SNTG1: variants seen among roughly 807,000 people sequenced by gnomAD.
The protein encoded by SNTG1 is gamma-1-syntrophin.
In SNTG1, 39 loss-of-function variants were observed where a neutral mutation model predicts 74.7. That is an observed-to-expected ratio of 0.52 (90% CI 0.40 to 0.68). The LOEUF (loss-of-function observed/expected upper bound fraction) is 0.68, where lower values mean the gene tolerates loss of function less well. Ranked by LOEUF, SNTG1 falls within the 30% of genes least tolerant of loss-of-function variation. The probability of loss-of-function intolerance (pLI) is 0.00; values close to 1 mark genes in which losing one functional copy is unlikely to be tolerated. For synonymous variants in SNTG1, 254 were observed against 217.1 expected, an observed-to-expected ratio of 1.17 and a Z score of -1.49; for missense variants, 685 against 609.5, an observed-to-expected ratio of 1.12 and a Z score of -1.30.
At chr8:50,279,985 T>A (rs1458765068) in intron 2 of SNTG1, among the ~76,000 whole-genome samples, 1 of 151,470 alleles carries the variant, frequency 6.6e-6, no homozygotes, top group African/African-American at 2.5e-5. Context: ...AGATGTAAAC[T>A]TCTCTTACAA....
Position 50,778,922 on chromosome 8 carries a change from C to T in SNTG1, c.1396-13749C>T, listed in dbSNP as rs563485057. ...GATCCAGTTTCAGCTTTCCACATAT[C>T]GCTAGCCAGTTTTCCCAGTACCATT... On this transcript the variant is annotated intron_variant, in intron 18 of 18. Transcript: ENST00000642720. 7.9e-5 allele frequency among the ~76,000 whole-genome samples: 12 copies of T among 152,152 alleles called. No individual in the cohort carries two copies. The South Asian group carries it at 1.9e-3, about 24-fold the overall frequency.
In SNTG1 at chr8:50,793,221, G is replaced by C. The variant is rs1242382274; in HGVS notation, c.*392G>C. The C allele has an allele frequency of 6.5e-6, 1 of 153,680 alleles. No individual in the cohort carries two copies. The allele number at this position is 153,680 out of a possible 1,614,324, so 9.5% of individuals were successfully genotyped here. A position where few individuals can be genotyped will look rare whatever the true frequency, so the allele number is the denominator to read the frequency against. On this transcript the variant is annotated 3_prime_UTR_variant, in exon 19 of 19. Transcript: ENST00000642720. ...TATTTTGTATGACTAGTACATGTTG[G>C]GCAGAGTCATAGGAAAACAAATGCC...
At chr8:50,563,390 A>G (rs2094498888) in intron 12 of SNTG1, among the ~76,000 whole-genome samples, 1 of 152,178 alleles carries the variant, frequency 6.6e-6, no homozygotes, top group African/African-American at 2.4e-5. Context: ...AGAGATTCAC[A>G]TGTACTACTC....
intron 1 of SNTG1, among the ~76,000 whole-genome samples, chr8:50,036,821 C>T (rs551339985): frequency 6.6e-6 from 1 of 152,010 alleles, no homozygotes; most frequent in African/African-American, 2.4e-5. Context: ...AATATTATAC[C>T]ATCTTTTATT....
intron 2 of SNTG1, among the ~76,000 whole-genome samples, chr8:50,275,817 C>T (rs1409092124): frequency 6.6e-6 from 1 of 152,098 alleles, no homozygotes; most frequent in Non-Finnish European, 1.5e-5. Flanking sequence ...CCTGCATTTG[C>T]TTGTCTTTTC....
At chr8:50,207,305 A>T (rs35584783) in intron 2 of SNTG1, among the ~76,000 whole-genome samples, 1 of 151,884 alleles carries the variant, frequency 6.6e-6, no homozygotes, top group East Asian at 1.9e-4. Flanking sequence ...GAGGGTGTAT[A>T]TGTCCAGGAA....
At chr8:50,094,586 G>A (rs940979868) in intron 1 of SNTG1, among the ~76,000 whole-genome samples, 1 of 151,998 alleles carries the variant, frequency 6.6e-6, no homozygotes, top group South Asian at 2.1e-4. Flanking sequence ...GAAAAAAAAT[G>A]CTCCACATCA....
intron 15 of SNTG1, among the ~76,000 whole-genome samples, chr8:50,699,178 A>G (rs960099580): frequency 6.6e-6 from 1 of 150,606 alleles, no homozygotes; most frequent in South Asian, 2.1e-4. Context: ...GGGAACTTCA[A>G]TATTTAACAG....
At chr8:50,692,901 A>T (rs2095388073) in intron 15 of SNTG1, among the ~76,000 whole-genome samples, 1 of 152,236 alleles carries the variant, frequency 6.6e-6, no homozygotes, top group South Asian at 2.1e-4. Flanking sequence ...GGCTCCACCC[A>T]GTTCCAGCTT....
At chr8:50,045,661 G>A (rs1041430535) in intron 1 of SNTG1, among the ~76,000 whole-genome samples, 2 of 152,114 alleles carry the variant, frequency 1.3e-5, no homozygotes, top group Non-Finnish European at 2.9e-5. Flanking sequence ...ATGTGTTGTT[G>A]TAATCAAAAT....
intron 1 of SNTG1, among the ~76,000 whole-genome samples, chr8:50,147,370 T>C (rs2081908277): frequency 6.6e-6 from 1 of 152,168 alleles, no homozygotes; most frequent in East Asian, 1.9e-4. Flanking sequence ...AAAATAACTG[T>C]TTTGACTGGT....
chr8:49,922,311 A>T (rs1806622831), intron 1 of SNTG1, among the ~76,000 whole-genome samples: 1 of 152,014 alleles, frequency 6.6e-6, no homozygotes, highest in Admixed American at 6.6e-5. Flanking sequence ...TGAATTATCT[A>T]CTTTCTGGAG....
chr8:50,200,431 T>C (rs1240954270), intron 2 of SNTG1, among the ~76,000 whole-genome samples: 1 of 152,162 alleles, frequency 6.6e-6, no homozygotes, highest in Admixed American at 6.5e-5. Context: ...CCTTGGGTTG[T>C]AGCATTAATA....
intron 1 of SNTG1, among the ~76,000 whole-genome samples, chr8:49,970,089 C>A (rs970757041): frequency 2.7e-4 from 41 of 152,074 alleles, no homozygotes; most frequent in Admixed American, 1.8e-3. Context: ...ATAGGATTGG[C>A]GTAAAGAATG....
intron 4 of SNTG1, among the ~76,000 whole-genome samples, chr8:50,411,873 C>T (rs927122994): frequency 2.6e-5 from 4 of 152,116 alleles, no homozygotes; most frequent in Non-Finnish European, 1.5e-5. Context: ...CCGAGTTGGT[C>T]ACAGTTGTAG....
chr8:50,587,078 A>T (rs2094654003), intron 12 of SNTG1, among the ~76,000 whole-genome samples: 1 of 151,978 alleles, frequency 6.6e-6, no homozygotes. Flanking sequence ...GTTCACGCTT[A>T]CAGACATTAA....
intron 1 of SNTG1, among the ~76,000 whole-genome samples, chr8:50,068,381 A>T (rs962062936): frequency 6.6e-6 from 1 of 152,268 alleles, no homozygotes; most frequent in South Asian, 2.1e-4. Flanking sequence ...GAGTCAAACC[A>T]CAGTAGTCAC....
chr8:50,203,258 T>A (rs1282760427), intron 2 of SNTG1, among the ~76,000 whole-genome samples: 1 of 152,174 alleles, frequency 6.6e-6, no homozygotes, highest in Non-Finnish European at 1.5e-5. Flanking sequence ...CTGAGAGTTT[T>A]TATTTACATT....
intron 1 of SNTG1, among the ~76,000 whole-genome samples, chr8:49,913,603 T>C (rs908078062): frequency 2.6e-5 from 4 of 152,212 alleles, no homozygotes; most frequent in African/African-American, 9.7e-5. Context: ...CGTTGCCCTA[T>C]ATAGGTCAAG....
Sources: allele counts gnomAD v4.1 joint callset (sites outside exome capture counted in the v4.1 genomes callset), GRCh38; gene constraint gnomAD v4.1.1; transcripts MANE v1.5; gene names NCBI Gene and HGNC (gene_info 2026-07-23, HGNC 2026-07-21).